Variants in JAKMIP3 observed in about 807,000 individuals in gnomAD.
JAKMIP3 encodes the protein janus kinase and microtubule-interacting protein 3.
A neutral mutation model predicts 118.5 loss-of-function variants in JAKMIP3; 58 were observed. That is an observed-to-expected ratio of 0.49 (90% CI 0.40 to 0.61). The LOEUF is 0.61. JAKMIP3 is among the 20% of genes least tolerant of loss of function. The pLI, the probability that JAKMIP3 is intolerant of heterozygous loss-of-function variation, is 0.00. For missense variants in JAKMIP3, 950 were observed against 1,109.0 expected, an observed-to-expected ratio of 0.86 and a Z score of 2.04; for synonymous variants, 486 against 451.2, an observed-to-expected ratio of 1.08 and a Z score of -0.98.
chr10:132,118,214 G>A lies in JAKMIP3; in HGVS notation c.633+640G>A, dbSNP rs1367559202. Among the ~76,000 whole-genome samples, 1 of 152,190 alleles carries A rather than the reference G, an allele frequency of 6.6e-6. No individual in the cohort carries two copies. The highest frequency in any genetic ancestry group is 1.9e-4 in the East Asian group (1 of 5,184). On this transcript the variant is annotated intron_variant, in intron 3 of 23. Transcript: ENST00000684848. The surrounding 1 kb of genome is among the most constrained non-coding windows in gnomAD (Gnocchi z 4.8). ...ATGAGGTCTAACGTTGGCATCTGGT[G>A]CAGCCTAATAGCTCCAGAGACCTGG...
intron 1 of JAKMIP3, among the ~76,000 whole-genome samples, chr10:132,077,349 G>A (rs1403117679): frequency 6.6e-6 from 1 of 152,100 alleles, no homozygotes; most frequent in Non-Finnish European, 1.5e-5. Flanking sequence ...CTCTCTCTCA[G>A]CCCTTCCTGT....
In JAKMIP3 at chr10:132,176,746, C is replaced by T. The variant is rs115537990; in HGVS notation, c.*1104-5611C>T. On this transcript the variant is annotated intron_variant, in intron 23 of 23. Transcript: ENST00000684848. ...CCATGTGCACCCTCCAATCTGTGAC[C>T]TCGTGCTGGGGCTTTACCTCCCCTC... 7.4e-3 allele frequency among the ~76,000 whole-genome samples: 1,119 copies of T among 152,098 alleles called. 11 individuals carry two copies. Among genetic ancestry groups the T allele is most frequent in the African/African-American group, 0.025 (1,056 of 41,506 alleles).
intron 1 of JAKMIP3, among the ~76,000 whole-genome samples, chr10:132,090,338 C>G (rs1406786624): frequency 2.0e-5 from 3 of 152,114 alleles, no homozygotes. Context: ...TCCATCTGGT[C>G]TTGGACTTTT....
At chr10:132,059,876 G>A (rs2038344913), upstream of JAKMIP3, among the ~76,000 whole-genome samples, 1 of 152,232 alleles carries the variant, frequency 6.6e-6, no homozygotes, top group South Asian at 2.1e-4. Flanking sequence ...GAGAAAGAGG[G>A]AGGGAGGATG....
chr10:132,038,829 C>T (rs12266007), intron 1 of JAKMIP3, among the ~76,000 whole-genome samples: 2,021 of 150,150 alleles, frequency 0.013, 52 homozygotes, highest in African/African-American at 0.046. Context: ...AACATACTTG[C>T]TGCATGTATG....
chr10:132,159,750 G>A (rs1479403939), intron 19 of JAKMIP3, among the ~76,000 whole-genome samples: 1 of 56,244 alleles, frequency 1.8e-5, no homozygotes, highest in Non-Finnish European at 3.0e-5. Flanking sequence ...TACTGGGGGG[G>A]CCTCTTCCTG....
In JAKMIP3 at chr10:132,117,634, TGCAGGGGCGGGCGTGGGCGAGGG is replaced by T. The variant is rs1589854403; in HGVS notation, c.633+61_633+83del. 25 of 949,140 alleles carry T rather than the reference TGCAGGGGCGGGCGTGGGCGAGGG, an allele frequency of 2.6e-5. 1 individual carries two copies. The East Asian group carries it at 6.9e-4, about 26-fold the overall frequency. The allele number at this position is 949,140 out of a possible 1,614,324, so 58.8% of individuals were successfully genotyped here. The stretch of plus-strand genomic sequence containing the variant: ...GTGCAGGGGCGGGCGTGGGCGAGGG[TGCAGGGGCGGGCGTGGGCGAGGG>T]TGCAGGCGTGGGCTCGGGGAGCACG... On this transcript the variant is annotated intron_variant, in intron 3 of 23. Transcript: ENST00000684848. This position sits in a 1 kb window ranked among gnomAD's most constrained non-coding sequence, Gnocchi z 8.6.
At chr10:132,127,220 T>C (rs4639857) in intron 3 of JAKMIP3, among the ~76,000 whole-genome samples, 14,830 of 144,286 alleles carry the variant, frequency 0.1, 1,074 homozygotes, top group East Asian at 0.32. Flanking sequence ...GACATTAGAC[T>C]TTTCTTTTTT....
chr10:132,039,243 C>T (rs1268855222), intron 1 of JAKMIP3, among the ~76,000 whole-genome samples: 1 of 152,180 alleles, frequency 6.6e-6, no homozygotes, highest in Non-Finnish European at 1.5e-5. Context: ...GCCTTGGTCT[C>T]CCAGACTGCT....
chr10:132,055,066 G>T (rs193010620), intron 1 of JAKMIP3, among the ~76,000 whole-genome samples: 21 of 152,256 alleles, frequency 1.4e-4, no homozygotes, highest in Admixed American at 1.0e-3. Context: ...TGGGGGCTCA[G>T]GGGGCGCAGA....
rs1385340890 is a variant in JAKMIP3 at position 132,133,342 on chromosome 10, G to A, written c.664G>A (p.Val222Ile). ...GGAGATAAAATTTAAAGACAGAGCA[G>A]TCTTCGTGCTGGAGAGAGAGTTAGG... Reference protein sequence around the residue: ...MEEIKFKDRAVFVLERELGVQ... With the variant: ...MEEIKFKDRAIFVLERELGVQ... The change falls in exon 4 of 24, where the codon GTC becomes ATC. Residue 222 changes from valine to isoleucine, a missense_variant. Transcript: ENST00000684848. 1 of 1,598,400 alleles carries A rather than the reference G, an allele frequency of 6.3e-7. No homozygotes were observed. The highest frequency in any genetic ancestry group is 8.5e-7 in the Non-Finnish European group (1 of 1,172,488).
chr10:132,049,250 G>A lies in JAKMIP3; in HGVS notation c.-138+12512G>A, dbSNP rs2026122. 0.17 allele frequency among the ~76,000 whole-genome samples: 26,424 copies of A among 152,042 alleles called. 2,906 individuals carry two copies. Among genetic ancestry groups the A allele is most frequent in the East Asian group, 0.35 (1,805 of 5,150 alleles). The stretch of plus-strand genomic sequence containing the variant: ...GTTTCTATGTAGGGACGGTCTTCCG[G>A]GAGCACAGCTATAGCTATGAGCACT... On this transcript the variant is annotated intron_variant, in intron 1 of 23. Transcript: ENST00000657785. The surrounding 1 kb of genome is among the most constrained non-coding windows in gnomAD (Gnocchi z 4.3).
At chr10:132,140,893 G>C (rs764727143) in intron 10 of JAKMIP3, among the ~76,000 whole-genome samples, 1 of 152,208 alleles carries the variant, frequency 6.6e-6, no homozygotes, top group Non-Finnish European at 1.5e-5. Context: ...ATAGGGGTAC[G>C]GTGAGCTCTC....
intron 23 of JAKMIP3, among the ~76,000 whole-genome samples, chr10:132,171,670 T>G (rs1228885146): frequency 7.1e-6 from 1 of 141,222 alleles, no homozygotes; most frequent in Non-Finnish European, 1.5e-5. Context: ...TTTTTTTTTT[T>G]GAGACAGGGT....
intron 15 of JAKMIP3, 57 bp downstream of exon 15, chr10:132,149,567 C>CTCA: frequency 3.1e-6 from 2 of 644,310 alleles, no homozygotes; most frequent in South Asian, 2.1e-5. Context: ...CCCGCCCCAC[C>CTCA]CCCTCTCCGC....
intron 1 of JAKMIP3, among the ~76,000 whole-genome samples, chr10:132,078,619 CGGGGG>C (rs10568086): frequency 0.067 from 8,929 of 133,984 alleles, 602 homozygotes; most frequent in East Asian, 0.26. Context: ...TCTCTGGGGG[CGGGGG>C]GGGGGGGGGG....
At chr10:132,135,198 G>T (rs1349160273) in intron 5 of JAKMIP3, 38 bp downstream of exon 5, 2 of 1,571,166 alleles carry the variant, frequency 1.3e-6, no homozygotes, top group Admixed American at 1.7e-5. Context: ...CTGGGGGTTT[G>T]TGACTGCGGA....
intron 19 of JAKMIP3, among the ~76,000 whole-genome samples, chr10:132,161,890 TGGG>T (rs369935731): frequency 8.6e-6 from 1 of 116,952 alleles, no homozygotes; most frequent in African/African-American, 2.6e-5. Flanking sequence ...TGTGTGATAT[TGGG>T]GGGGCCACTT....
chr10:132,147,479 T>C (rs541073090), intron 13 of JAKMIP3, among the ~76,000 whole-genome samples: 1 of 152,344 alleles, frequency 6.6e-6, no homozygotes, highest in East Asian at 1.9e-4. Flanking sequence ...GCAGCCGTGG[T>C]ACCCGCTCCT....
Sources: gnomAD v4.1 joint callset for allele counts (sites outside exome capture counted in the v4.1 genomes callset) on GRCh38, gnomAD v4.1.1 for gene constraint, Gnocchi (gnomAD v3.1) non-coding constraint, MANE v1.5 for transcripts, NCBI Gene and HGNC (gene_info 2026-07-23, HGNC 2026-07-21) for gene names.